Variants in ATP8B4 observed in about 807,000 individuals in gnomAD.
The protein encoded by ATP8B4 is ATPase phospholipid transporting 8B4 (putative).
A neutral mutation model predicts 145.6 loss-of-function variants in ATP8B4; 133 were observed. The ratio of observed to expected loss-of-function variants is 0.91; its 90% CI spans 0.79 to 1.05. The LOEUF (loss-of-function observed/expected upper bound fraction) is 1.05, where lower values mean the gene tolerates loss of function less well. ATP8B4 is among the 50% of genes least tolerant of loss of function. The pLI is 0.00. For missense variants in ATP8B4, 1,458 were observed against 1,425.2 expected (o/e 1.02, Z -0.37); for synonymous variants, 507 against 492.9 (o/e 1.03, Z -0.38).
chr15:50,072,351 C>T lies in ATP8B4; in HGVS notation c.87+1776G>A, dbSNP rs868854401. On this transcript the variant is annotated intron_variant, in intron 3 of 27. Transcript: ENST00000284509. The stretch of plus-strand genomic sequence containing the variant: ...ATATCACCTACAGAAACTACTCTAC[C>T]AGTTTTCTATCTTAGAGCTTATAAA... Among the ~76,000 whole-genome samples, 12 of 152,270 alleles carry T rather than the reference C, an allele frequency of 7.9e-5. No individual in the cohort carries two copies. In the South Asian group the frequency reaches 1.5e-3, roughly 18 times the overall value.
intron 2 of ATP8B4, among the ~76,000 whole-genome samples, chr15:50,104,110 A>G (rs1285675208): frequency 6.6e-6 from 1 of 152,232 alleles, no homozygotes; most frequent in Non-Finnish European, 1.5e-5. Flanking sequence ...TAAATCTAAG[A>G]ACTGAAACTA....
intron 7 of ATP8B4, 63 bp from the exon 8 acceptor site, chr15:50,002,286 A>G (rs905647085): frequency 1.5e-5 from 20 of 1,347,310 alleles, no homozygotes; most frequent in Admixed American, 9.3e-5. Flanking sequence ...AGTCTTCTAC[A>G]GTATATCACC....
At chr15:49,947,426 A>G (rs537823293) in intron 14 of ATP8B4, among the ~76,000 whole-genome samples, 2 of 133,420 alleles carry the variant, frequency 1.5e-5, no homozygotes, top group African/African-American at 2.9e-5. Flanking sequence ...CGACAGAGTG[A>G]GACTCTGTCT....
At chr15:49,930,702 A>C (rs967085969) in intron 16 of ATP8B4, among the ~76,000 whole-genome samples, 2 of 152,046 alleles carry the variant, frequency 1.3e-5, no homozygotes, top group African/African-American at 2.4e-5. Context: ...ATTCTACTTC[A>C]AACTATGCGA....
Position 50,072,920 on chromosome 15 carries a change from G to GCC in ATP8B4, c.87+1205_87+1206dup, listed in dbSNP as rs1190823807. ...CTACAGGCATGAGTCACTGTGCCCG[G>GCC]CCTCTCTCTCTCTCTCTCTCTCTCT... is the stretch of plus-strand genomic sequence containing the variant. On this transcript the variant is annotated intron_variant, in intron 3 of 27. Transcript: ENST00000284509. 8.4e-3 allele frequency among the ~76,000 whole-genome samples: 398 copies of GCC among 47,392 alleles called. 33 individuals carry two copies. Among genetic ancestry groups the GCC allele is most frequent in the Middle Eastern group, 0.015 (1 of 66 alleles). 31.1% of individuals were successfully genotyped at this position (47,392 alleles called of 152,430 possible). A position where few individuals can be genotyped will look rare whatever the true frequency, so the allele number is the denominator to read the frequency against.
intron 20 of ATP8B4, among the ~76,000 whole-genome samples, chr15:49,912,415 C>T (rs1199973844): frequency 5.3e-5 from 8 of 151,956 alleles, no homozygotes; most frequent in African/African-American, 1.9e-4. Context: ...AACAGGAAAA[C>T]CTAGAGGAAA....
In ATP8B4 at chr15:50,073,011, T is replaced by C. The variant is rs1474953181; in HGVS notation, c.87+1116A>G. Among the ~76,000 whole-genome samples the C allele has an allele frequency of 1.6e-3, 73 of 44,792 alleles. 2 individuals are homozygous for C. The highest frequency in any genetic ancestry group is 7.1e-3 in the African/African-American group (68 of 9,526). The allele number at this position is 44,792 out of a possible 152,430, so 29.4% of individuals were successfully genotyped here. A position where few individuals can be genotyped will look rare whatever the true frequency, so the allele number is the denominator to read the frequency against. On this transcript the variant is annotated intron_variant, in intron 3 of 27. Coordinates refer to ENST00000284509, the MANE Select transcript of ATP8B4 (RefSeq NM_024837.4). ...ATATATATATATATATATATATATA[T>C]ATATATATACACACACACACACACA... is the stretch of plus-strand genomic sequence containing the variant.
chr15:50,074,017 G>T, intron 3 of ATP8B4, 110 bp downstream of exon 3: 1 of 797,912 alleles, frequency 1.3e-6, no homozygotes, highest in Non-Finnish European at 2.0e-6. Flanking sequence ...GTCAAAATGG[G>T]CCAATGAAGA....
chr15:50,137,413 A>C (rs2044137629), intron 1 of ATP8B4, among the ~76,000 whole-genome samples: 1 of 152,224 alleles, frequency 6.6e-6, no homozygotes, highest in South Asian at 2.1e-4. Context: ...GTCCTGACTG[A>C]GGAGAGCCAC....
chr15:50,056,097 T>TCACCACCAC (rs937012244), intron 3 of ATP8B4, among the ~76,000 whole-genome samples: 1 of 151,942 alleles, frequency 6.6e-6, no homozygotes, highest in Non-Finnish European at 1.5e-5. Context: ...ACACTCATCA[T>TCACCACCAC]CACCACCACC....
chr15:50,047,120 A>G (rs1161826553), intron 4 of ATP8B4, among the ~76,000 whole-genome samples: 2 of 152,216 alleles, frequency 1.3e-5, no homozygotes, highest in Non-Finnish European at 2.9e-5. Flanking sequence ...ATAAAGTGCA[A>G]GGCTGTGTTT....
intron 3 of ATP8B4, among the ~76,000 whole-genome samples, chr15:50,073,017 T>TAC (rs1292685906): frequency 3.0e-3 from 96 of 31,618 alleles, no homozygotes; most frequent in South Asian, 4.7e-3. Context: ...TATATATATA[T>TAC]ATACACACAC....
chr15:50,031,767 A>T (rs1409778000), intron 6 of ATP8B4, among the ~76,000 whole-genome samples: 6 of 151,892 alleles, frequency 4.0e-5, no homozygotes, highest in Non-Finnish European at 8.8e-5. Flanking sequence ...TCTTGACCAT[A>T]GGTCTACATG....
Position 49,898,257 on chromosome 15 carries a change from T to C in ATP8B4, c.2290-6A>G. ...TCACTTTCTAGGGCATGAGCCTGTA[T>C]GATTAAAAATAAAATTCAAACAAGA... On this transcript the variant is annotated splice_region_variant and splice_polypyrimidine_tract_variant and intron_variant, in intron 21 of 27. Coordinates refer to ENST00000284509, the MANE Select transcript of ATP8B4 (RefSeq NM_024837.4). The C allele has an allele frequency of 1.2e-6, 2 of 1,606,532 alleles. No individual in the cohort carries two copies. The highest frequency in any genetic ancestry group is 2.2e-5 in the East Asian group (1 of 44,702).
chr15:50,098,823 T>C (rs1405427593), intron 2 of ATP8B4, among the ~76,000 whole-genome samples: 1 of 152,086 alleles, frequency 6.6e-6, no homozygotes, highest in African/African-American at 2.4e-5. Context: ...CTAGGGCCCA[T>C]GATATTTTCA....
At chr15:49,868,096 C>T (rs921250410) in intron 25 of ATP8B4, among the ~76,000 whole-genome samples, 2 of 152,126 alleles carry the variant, frequency 1.3e-5, no homozygotes, top group Admixed American at 1.3e-4. Flanking sequence ...CAGAAAACTG[C>T]TCTGTGATAA....
Position 49,860,189 on chromosome 15 carries a change from T to C in ATP8B4, c.*5A>G, listed in dbSNP as rs752030968. On this transcript the variant is annotated 3_prime_UTR_variant, in exon 28 of 28. Transcript: ENST00000284509. ...GATAACTACGTGGTTTAAATTCATATTGACTCACAGTTTCACTGTTTTATC... is the reference window on the plus strand; with the variant it reads ...GATAACTACGTGGTTTAAATTCATACTGACTCACAGTTTCACTGTTTTATC... The C allele has an allele frequency of 7.5e-6, 12 of 1,603,500 alleles. No homozygotes were observed. Among genetic ancestry groups the C allele is most frequent in the Non-Finnish European group, 3.4e-6 (4 of 1,174,966 alleles).
intron 1 of ATP8B4, among the ~76,000 whole-genome samples, chr15:50,134,206 T>C (rs2044090287): frequency 6.6e-6 from 1 of 151,704 alleles, no homozygotes; most frequent in Non-Finnish European, 1.5e-5. Flanking sequence ...AAAAGAAAAA[T>C]AGACTGTCAA....
At chr15:50,071,503 A>AT (rs2053734504) in intron 3 of ATP8B4, among the ~76,000 whole-genome samples, 1 of 152,254 alleles carries the variant, frequency 6.6e-6, no homozygotes, top group Non-Finnish European at 1.5e-5. Flanking sequence ...ACTTAAATGC[A>AT]TAATTACCCC....
Sources: gnomAD v4.1 joint callset for allele counts (sites outside exome capture counted in the v4.1 genomes callset) on GRCh38, gnomAD v4.1.1 for gene constraint, MANE v1.5 for transcripts, NCBI Gene and HGNC (gene_info 2026-07-23, HGNC 2026-07-21) for gene names.